CYP4F12: variants seen among roughly 807,000 people sequenced by gnomAD.
The protein encoded by CYP4F12 is cytochrome P450 family 4 subfamily F member 12, also known as cytochrome P450 4F12.
Under a neutral mutation model 56.5 loss-of-function variants are expected in CYP4F12, and 60 were observed. The ratio of observed to expected loss-of-function variants is 1.06; its 90% CI spans 0.86 to 1.32. The LOEUF (loss-of-function observed/expected upper bound fraction) is 1.32. Ranked by LOEUF, CYP4F12 falls within the 40% of genes most tolerant of loss-of-function variation. CYP4F12 has a pLI of 0.00. For synonymous variants in CYP4F12, 263 were observed against 264.9 expected (o/e 0.99, Z 0.07); for missense variants, 711 against 683.5 (o/e 1.04, Z -0.45).
At chr19:15,684,371 G>A (rs2007484949) in intron 7 of CYP4F12, 1 of 161,738 alleles carries the variant, frequency 6.2e-6, no homozygotes, top group African/African-American at 2.4e-5. Flanking sequence ...GCAATTTCTA[G>A]AGTTTTATAA....
Position 15,685,097 on chromosome 19 carries a change from T to C in CYP4F12, c.1015T>C (p.Trp339Arg), listed in dbSNP as rs1599974455. 1 of 1,614,178 alleles carries C rather than the reference T, an allele frequency of 6.2e-7. No homozygotes were observed. Among genetic ancestry groups the C allele is most frequent in the Non-Finnish European group, 8.5e-7 (1 of 1,180,008 alleles). The change falls in exon 9 of 13, where the codon TGG becomes CGG. Residue 339 changes from tryptophan (W) to arginine (R), a missense_variant. Trp to Arg is a moderately radical substitution (Grantham distance 101). Transcript: ENST00000550308. ...TGACACCACGGCCAGTGGCCTCTCC[T>C]GGGTCCTGTACAACCTTGCGAGGCA... ...GHDTTASGLSWVLYNLARHPE... is the reference protein window; with the variant it reads ...GHDTTASGLSRVLYNLARHPE...
chr19:15,694,279 C>A (rs867124818), intron 9 of CYP4F12, among the ~76,000 whole-genome samples: 7 of 152,020 alleles, frequency 4.6e-5, no homozygotes, highest in African/African-American at 9.7e-5. Flanking sequence ...TTATCTTGGG[C>A]AGTATGGCCA....
At position 15,673,605 on chromosome 19, in the gene CYP4F12, G is replaced by T. The variant is rs781493354; in HGVS notation, c.76G>T (p.Val26Leu). 9.9e-6 allele frequency: 16 copies of T among 1,614,016 alleles called. No homozygotes were observed. Among genetic ancestry groups the T allele is most frequent in the Non-Finnish European group, 1.4e-5 (16 of 1,179,918 alleles). ...TSPWLLLLLV[V>L]GSWLLARILA... ...CCCATGGCTACTCCTGCTGCTGGTT[G>T]TGGGCTCCTGGCTACTCGCCCGCAT... The change falls in exon 2 of 13, where the codon GTG becomes TTG. Residue 26 changes from valine to leucine, a missense_variant. Physicochemically the swap from Val to Leu is conservative, Grantham distance 32. Coordinates refer to ENST00000550308, the MANE Select transcript of CYP4F12 (RefSeq NM_023944.4).
At chr19:15,680,986 G>T (rs1020530375) in intron 5 of CYP4F12, 1 of 276,442 alleles carries the variant, frequency 3.6e-6, no homozygotes, top group Non-Finnish European at 7.0e-6. Context: ...TGGGGCTTCA[G>T]TACCTTCAGA....
intron 1 of CYP4F12, 36 bp from the exon 2 acceptor site, chr19:15,673,493 C>G: frequency 6.2e-7 from 1 of 1,606,884 alleles, no homozygotes. Flanking sequence ...TTCCCTGGGC[C>G]TCAGGTCCTC....
chr19:15,673,168 C>A, intron 1 of CYP4F12, 33 bp downstream of exon 1: 1 of 474,398 alleles, frequency 2.1e-6, no homozygotes, highest in Non-Finnish European at 4.2e-6. Context: ...GCTGGAAGGT[C>A]CTGGCCTGGG....
Position 15,679,438 on chromosome 19 carries a change from G to T in CYP4F12, c.344-806G>T, listed in dbSNP as rs191689592. ...CATGGGTCCTAGCAGCTCAGTTCTT[G>T]TCCGAAAGCTCACCTTACCCCCAGG... On this transcript the variant is annotated intron_variant, in intron 3 of 12. Transcript: ENST00000550308. 2.0e-5 allele frequency among the ~76,000 whole-genome samples: 3 copies of T among 151,500 alleles called. No homozygotes were observed. In the Admixed American group the frequency reaches 2.0e-4, roughly 10 times the overall value.
In CYP4F12 at chr19:15,692,438, A is replaced by G. The variant is rs561461357; in HGVS notation, c.1116-3498A>G. On this transcript the variant is annotated intron_variant, in intron 9 of 12. Coordinates refer to ENST00000550308, the MANE Select transcript of CYP4F12 (RefSeq NM_023944.4). ...TTTTCTTTTATTATCTTTTCATTTGATGGTTATTTCTATATGGTAAAACTA... is the reference window on the plus strand; with the variant it reads ...TTTTCTTTTATTATCTTTTCATTTGGTGGTTATTTCTATATGGTAAAACTA... Among the ~76,000 whole-genome samples, 4 of 152,050 alleles carry G rather than the reference A, an allele frequency of 2.6e-5. No homozygotes were observed. In the East Asian group the frequency reaches 7.7e-4, roughly 29 times the overall value.
Sources: gnomAD v4.1 joint callset for allele counts (sites outside exome capture counted in the v4.1 genomes callset) on GRCh38, gnomAD v4.1.1 for gene constraint, MANE v1.5 for transcripts, NCBI Gene and HGNC (gene_info 2026-07-23, HGNC 2026-07-21) for gene names.